Variants in PALM2AKAP2 observed in about 807,000 individuals in gnomAD.
PALM2AKAP2 encodes the protein PALM2 and AKAP2 fusion.
A neutral mutation model predicts 71.5 loss-of-function variants in PALM2AKAP2; 37 were observed. The observed-to-expected ratio is 0.52, with a 90% confidence interval of 0.40 to 0.68. The LOEUF is 0.68. Among genes scored for constraint, PALM2AKAP2 ranks in the 30% least tolerant of loss-of-function variants. The pLI is 0.00. For synonymous variants in PALM2AKAP2, 468 were observed against 478.8 expected (o/e 0.98, Z 0.29); for missense variants, 1,224 against 1,191.8 (o/e 1.03, Z -0.40).
intron 1 of PALM2AKAP2, among the ~76,000 whole-genome samples, chr9:109,853,140 C>G (rs1829065691): frequency 6.6e-6 from 1 of 152,154 alleles, no homozygotes; most frequent in African/African-American, 2.4e-5. Context: ...GTGTCCTCAT[C>G]TGTAATGGAG....
rs569168637 is a variant in PALM2AKAP2, at chr9:110,150,717, T to C, written c.2570-5602T>C. 5.3e-5 allele frequency among the ~76,000 whole-genome samples: 8 copies of C among 152,346 alleles called. No homozygotes were observed. The East Asian group carries it at 1.3e-3, about 26-fold the overall frequency. Reference sequence around the variant, plus strand: ...ACATATAGTGTTCATCTTATGCTGATTGAGTGTCTGCCATGTGCTATGCAC... The same window carrying C: ...ACATATAGTGTTCATCTTATGCTGACTGAGTGTCTGCCATGTGCTATGCAC... On this transcript the variant is annotated intron_variant, in intron 2 of 3. Coordinates refer to ENST00000374525, the Ensembl canonical transcript of PALM2AKAP2.
chr9:109,952,545 C>T (rs2132083784), intron 6 of PALM2AKAP2, among the ~76,000 whole-genome samples: 1 of 152,258 alleles, frequency 6.6e-6, no homozygotes, highest in East Asian at 1.9e-4. Context: ...TTAAGATTGA[C>T]AAGAGTTTCA....
intron 3 of PALM2AKAP2, among the ~76,000 whole-genome samples, chr9:109,907,350 C>G (rs1007865400): frequency 4.6e-5 from 7 of 152,210 alleles, no homozygotes; most frequent in African/African-American, 2.4e-5. Context: ...ATGAGTGACC[C>G]AGAACATTTC....
rs34908012 is a variant in PALM2AKAP2, at chr9:109,790,343, TC to T, written c.45+9816del. On this transcript the variant is annotated intron_variant, in intron 1 of 9. Transcript: ENST00000302798. ...TACTATTCTAGGTGGGTGGGATTTT[TC>T]CCCCCTCTGCTAAATTATAACCAGT... Among the ~76,000 whole-genome samples, 857 of 152,106 alleles carry T rather than the reference TC, an allele frequency of 5.6e-3. 9 individuals are homozygous for T. Among genetic ancestry groups the T allele is most frequent in the African/African-American group, 0.02 (822 of 41,498 alleles).
chr9:109,934,106 T>A (rs1831170341), intron 6 of PALM2AKAP2, among the ~76,000 whole-genome samples: 3 of 152,222 alleles, frequency 2.0e-5, no homozygotes, highest in Admixed American at 2.0e-4. Flanking sequence ...AAATGGGAAT[T>A]TATTTAGAAT....
intron 6 of PALM2AKAP2, among the ~76,000 whole-genome samples, chr9:109,976,529 T>C (rs974076063): frequency 1.3e-5 from 2 of 152,044 alleles, no homozygotes; most frequent in African/African-American, 4.8e-5. Context: ...GAAGGGTGAG[T>C]AGAAGATTGC....
intron 2 of PALM2AKAP2, among the ~76,000 whole-genome samples, chr9:110,147,105 G>A (rs1225821861): frequency 6.6e-6 from 1 of 151,972 alleles, no homozygotes; most frequent in Non-Finnish European, 1.5e-5. Context: ...ATAAAAATGA[G>A]CCAGGCGTGG....
intron 6 of PALM2AKAP2, among the ~76,000 whole-genome samples, chr9:109,942,477 C>T (rs531317327): frequency 6.6e-6 from 1 of 152,278 alleles, no homozygotes; most frequent in Non-Finnish European, 1.5e-5. Context: ...AGCAACCGTG[C>T]ATCTGTCTTC....
In PALM2AKAP2 at chr9:109,983,763, G is replaced by A. The variant is rs543471349; in HGVS notation, c.497-32191G>A. Among the ~76,000 whole-genome samples, 13 of 152,086 alleles carry A rather than the reference G, an allele frequency of 8.5e-5. No individual in the cohort carries two copies. In the East Asian group the frequency reaches 2.5e-3, roughly 29 times the overall value. On this transcript the variant is annotated intron_variant, in intron 6 of 9. Coordinates refer to the PALM2AKAP2 transcript ENST00000302798. ...GCCTGTAATCCGAGCTACTTGGGAG[G>A]CTGAGGCATGAGAATCGCTGGAACA...
At chr9:109,681,588 G>T (rs1195219732) in intron 1 of PALM2AKAP2, among the ~76,000 whole-genome samples, 1 of 152,196 alleles carries the variant, frequency 6.6e-6, no homozygotes, top group African/African-American at 2.4e-5. Flanking sequence ...AACAAGGGCA[G>T]GCTGGGGGAT....
chr9:110,050,794 A>C (rs939885408), intron 1 of PALM2AKAP2, among the ~76,000 whole-genome samples: 1 of 151,470 alleles, frequency 6.6e-6, no homozygotes, highest in African/African-American at 2.4e-5. Flanking sequence ...CACCCGGCTA[A>C]TTTTTATATT....
intron 1 of PALM2AKAP2, among the ~76,000 whole-genome samples, chr9:110,110,764 C>T (rs1237349168): frequency 6.6e-6 from 1 of 151,942 alleles, no homozygotes; most frequent in Non-Finnish European, 1.5e-5. Flanking sequence ...CAAGGCTAGT[C>T]TCAAACTCCC....
chr9:109,843,115 G>A (rs1485757414), intron 1 of PALM2AKAP2, among the ~76,000 whole-genome samples: 1 of 121,682 alleles, frequency 8.2e-6, no homozygotes, highest in Non-Finnish European at 1.6e-5. Context: ...ACTCCAGCCT[G>A]GGCAACAGGA....
intron 2 of PALM2AKAP2, among the ~76,000 whole-genome samples, chr9:109,870,551 A>G (rs1350785386): frequency 6.6e-6 from 1 of 152,188 alleles, no homozygotes; most frequent in African/African-American, 2.4e-5. Context: ...AATGACCACA[A>G]GACAGTTATT....
chr9:109,870,609 G>T (rs1235218049), intron 2 of PALM2AKAP2, among the ~76,000 whole-genome samples: 1 of 152,200 alleles, frequency 6.6e-6, no homozygotes, highest in East Asian at 1.9e-4. Flanking sequence ...CAAGTGATTT[G>T]CCCAAGACCA....
At chr9:109,907,581 G>A (rs557744325) in intron 3 of PALM2AKAP2, among the ~76,000 whole-genome samples, 28 of 152,274 alleles carry the variant, frequency 1.8e-4, no homozygotes, top group African/African-American at 6.3e-4. Context: ...CAGTAGTTGC[G>A]CCTCTGAGAA....
intron 1 of PALM2AKAP2, among the ~76,000 whole-genome samples, chr9:109,643,765 T>G (rs182586249): frequency 6.6e-5 from 10 of 152,326 alleles, no homozygotes; most frequent in Admixed American, 5.9e-4. Flanking sequence ...CTACTTCGTT[T>G]GCTTCCTTAA....
At chr9:109,691,174 T>TAC (rs56966509) in intron 1 of PALM2AKAP2, among the ~76,000 whole-genome samples, 14,126 of 147,390 alleles carry the variant, frequency 0.096, 718 homozygotes, top group Non-Finnish European at 0.12. Context: ...CTTTGAATTT[T>TAC]ACACACACAC....
chr9:109,962,163 G>T (rs1190559963), intron 6 of PALM2AKAP2, among the ~76,000 whole-genome samples: 1 of 152,220 alleles, frequency 6.6e-6, no homozygotes, highest in African/African-American at 2.4e-5. Context: ...CAGAGTTCTG[G>T]TTCGACTGCT....
Sources: gnomAD v4.1 joint callset for allele counts (sites outside exome capture counted in the v4.1 genomes callset) on GRCh38, gnomAD v4.1.1 for gene constraint, MANE v1.5 for transcripts, NCBI Gene and HGNC (gene_info 2026-07-23, HGNC 2026-07-21) for gene names.